RBMS3: variants seen among roughly 807,000 people sequenced by gnomAD.
RBMS3 encodes the protein RNA binding motif single stranded interacting protein 3.
A neutral mutation model predicts 66.8 loss-of-function variants in RBMS3; 27 were observed. That is an observed-to-expected ratio of 0.40 (90% confidence interval 0.30 to 0.56). RBMS3 has a LOEUF of 0.56. Among genes scored for constraint, RBMS3 ranks in the 20% least tolerant of loss-of-function variants. The pLI is 0.40. For synonymous variants in RBMS3, 188 were observed against 183.0 expected (o/e 1.03, Z -0.22); for missense variants, 513 against 549.5 (o/e 0.93, Z 0.66).
intron 5 of RBMS3, among the ~76,000 whole-genome samples, chr3:29,760,379 A>G (rs1436192880): frequency 6.6e-6 from 1 of 152,040 alleles, no homozygotes; most frequent in Non-Finnish European, 1.5e-5. Context: ...CTTGCAAGCA[A>G]GCTTTAGATT....
At chr3:29,963,458 A>G (rs572535933) in intron 12 of RBMS3, among the ~76,000 whole-genome samples, 1 of 152,350 alleles carries the variant, frequency 6.6e-6, no homozygotes, top group East Asian at 1.9e-4. Flanking sequence ...CAAAAAACGT[A>G]TAAGATTTAC....
At chr3:29,900,240 A>G (rs987742807) in intron 10 of RBMS3, among the ~76,000 whole-genome samples, 1 of 151,764 alleles carries the variant, frequency 6.6e-6, no homozygotes, top group Non-Finnish European at 1.5e-5. Context: ...TTTTGACTTG[A>G]AGCAATATAT....
At chr3:29,706,483 C>T (rs372909221) in intron 4 of RBMS3, among the ~76,000 whole-genome samples, 12 of 152,274 alleles carry the variant, frequency 7.9e-5, no homozygotes, top group African/African-American at 2.9e-4. Context: ...GGCACTGGAG[C>T]AGGAGGTGAA....
chr3:29,427,436 C>G (rs1160686135), intron 1 of RBMS3, among the ~76,000 whole-genome samples: 2 of 152,184 alleles, frequency 1.3e-5, no homozygotes, highest in East Asian at 1.9e-4. Context: ...CAGTTCTTAT[C>G]GTGTCCACTC....
chr3:29,998,254 T>G (rs371595878), intron 14 of RBMS3, among the ~76,000 whole-genome samples: 3 of 151,950 alleles, frequency 2.0e-5, no homozygotes, highest in African/African-American at 4.8e-5. Flanking sequence ...CACTGCTCAA[T>G]GAAATAAAAG....
intron 4 of RBMS3, among the ~76,000 whole-genome samples, chr3:29,654,340 G>A (rs997269093): frequency 1.3e-5 from 2 of 152,142 alleles, no homozygotes; most frequent in Non-Finnish European, 1.5e-5. Flanking sequence ...ACTTGCATAT[G>A]TCACTGGTAA....
At chr3:29,481,456 C>T (rs1282826358) in intron 2 of RBMS3, among the ~76,000 whole-genome samples, 6 of 152,104 alleles carry the variant, frequency 3.9e-5, no homozygotes, top group Admixed American at 2.6e-4. Flanking sequence ...AAGAAATGGT[C>T]AAGATGTGGT....
intron 4 of RBMS3, among the ~76,000 whole-genome samples, chr3:29,668,226 A>C (rs2050845516): frequency 1.3e-5 from 2 of 152,258 alleles, no homozygotes; most frequent in South Asian, 4.1e-4. Flanking sequence ...TAAATCAGAC[A>C]TTAGAAAAAA....
At chr3:29,284,596 C>T (rs1051323280) in intron 1 of RBMS3, among the ~76,000 whole-genome samples, 7 of 152,028 alleles carry the variant, frequency 4.6e-5, no homozygotes, top group Non-Finnish European at 1.5e-5. Flanking sequence ...ACTTCCCTGC[C>T]TTCTCTGCTC....
At chr3:29,658,606 C>A (rs1392359276) in intron 4 of RBMS3, among the ~76,000 whole-genome samples, 1 of 152,120 alleles carries the variant, frequency 6.6e-6, no homozygotes, top group Non-Finnish European at 1.5e-5. Flanking sequence ...TGAGAAATTT[C>A]CGTAAGTAAG....
chr3:29,621,608 C>T (rs2168765), intron 4 of RBMS3, among the ~76,000 whole-genome samples: 7,714 of 152,112 alleles, frequency 0.051, 482 homozygotes, highest in East Asian at 0.33. Context: ...AAAGGACAAC[C>T]TATAACTTAT....
chr3:29,855,092 A>G (rs930478725), intron 6 of RBMS3, among the ~76,000 whole-genome samples: 2 of 152,148 alleles, frequency 1.3e-5, no homozygotes, highest in African/African-American at 4.8e-5. Context: ...TAATGCTGCA[A>G]GTTACTCCCA....
At chr3:29,887,732 C>T (rs1381160762) in intron 8 of RBMS3, among the ~76,000 whole-genome samples, 5 of 151,664 alleles carry the variant, frequency 3.3e-5, no homozygotes, top group African/African-American at 9.7e-5. Context: ...AACTAAGACT[C>T]ATTAAGACAA....
intron 1 of RBMS3, among the ~76,000 whole-genome samples, chr3:29,430,302 C>T (rs1330956426): frequency 2.0e-5 from 3 of 151,998 alleles, no homozygotes; most frequent in African/African-American, 7.2e-5. Flanking sequence ...CCGAGAAAAT[C>T]GACCGCTTTC....
chr3:29,973,650 A>C (rs71321116), intron 12 of RBMS3, among the ~76,000 whole-genome samples: 3,949 of 152,042 alleles, frequency 0.026, 129 homozygotes, highest in East Asian at 0.17. Flanking sequence ...TAACAAAACA[A>C]CACTTTGGCC....
At chr3:29,665,175 A>T (rs572351294) in intron 4 of RBMS3, among the ~76,000 whole-genome samples, 1 of 152,178 alleles carries the variant, frequency 6.6e-6, no homozygotes, top group Non-Finnish European at 1.5e-5. Flanking sequence ...TAAATATTTA[A>T]CTAGTTTTTC....
At chr3:29,716,971 G>A (rs1025622202) in intron 4 of RBMS3, among the ~76,000 whole-genome samples, 2 of 151,840 alleles carry the variant, frequency 1.3e-5, no homozygotes, top group Non-Finnish European at 2.9e-5. Flanking sequence ...TATTTTAGCA[G>A]CAGCATTTTA....
chr3:29,340,782 G>T (rs181233943), intron 1 of RBMS3, among the ~76,000 whole-genome samples: 1 of 152,196 alleles, frequency 6.6e-6, no homozygotes, highest in East Asian at 1.9e-4. Context: ...AAGATAATTA[G>T]ATCATAGTAT....
intron 3 of RBMS3, among the ~76,000 whole-genome samples, chr3:29,538,985 A>AT (rs893743459): frequency 4.6e-5 from 7 of 152,278 alleles, no homozygotes; most frequent in South Asian, 2.1e-4. Context: ...AAATAACCCC[A>AT]TTTTTTTGCT....
Sources: gnomAD v4.1 joint callset for allele counts (sites outside exome capture counted in the v4.1 genomes callset) on GRCh38, gnomAD v4.1.1 for gene constraint, MANE v1.5 for transcripts, NCBI Gene and HGNC (gene_info 2026-07-23, HGNC 2026-07-21) for gene names.